The following RIMS1 variants were observed in gnomAD, a reference collection of about 807,000 sequenced individuals.
The protein encoded by RIMS1 is regulating synaptic membrane exocytosis 1.
A neutral mutation model predicts 214.1 loss-of-function variants in RIMS1; 83 were observed. That is an observed-to-expected ratio of 0.39 (90% CI 0.32 to 0.47). The LOEUF (loss-of-function observed/expected upper bound fraction) is 0.47. Ranked by LOEUF, RIMS1 falls within the 20% of genes least tolerant of loss-of-function variation. RIMS1 has a pLI of 0.99. For synonymous variants in RIMS1, 793 were observed against 786.8 expected, an observed-to-expected ratio of 1.01 and a Z score of -0.13; for missense variants, 2,050 against 2,161.8, an observed-to-expected ratio of 0.95 and a Z score of 1.03.
chr6:72,197,111 C>A (rs575783542), intron 6 of RIMS1, among the ~76,000 whole-genome samples: 3 of 152,176 alleles, frequency 2.0e-5, no homozygotes, highest in Admixed American at 6.5e-5. Flanking sequence ...CACTGTGGAA[C>A]CCCCATCCAT....
intron 29 of RIMS1, among the ~76,000 whole-genome samples, chr6:72,339,828 T>G (rs1690189699): frequency 6.6e-6 from 1 of 151,706 alleles, no homozygotes; most frequent in Admixed American, 6.6e-5. Context: ...TCAAATGGTA[T>G]TTCTAGTTCT....
chr6:72,050,733 C>G (rs1442071220), intron 2 of RIMS1, among the ~76,000 whole-genome samples: 3 of 152,120 alleles, frequency 2.0e-5, no homozygotes, highest in Non-Finnish European at 2.9e-5. Context: ...CTGATGAGCC[C>G]TTTGTGGGGT....
chr6:71,919,214 T>A (rs1754235241), intron 1 of RIMS1, among the ~76,000 whole-genome samples: 1 of 152,002 alleles, frequency 6.6e-6, no homozygotes, highest in Non-Finnish European at 1.5e-5. Flanking sequence ...GTGCTACTAG[T>A]GATAGTGTCA....
intron 4 of RIMS1, among the ~76,000 whole-genome samples, chr6:72,120,793 A>G (rs184020271): frequency 2.8e-4 from 42 of 152,006 alleles, no homozygotes; most frequent in African/African-American, 3.1e-4. Flanking sequence ...TAGGTCTAAC[A>G]TTTAAGTCTT....
intron 29 of RIMS1, among the ~76,000 whole-genome samples, chr6:72,334,862 A>G (rs888671270): frequency 2.8e-4 from 42 of 151,922 alleles, no homozygotes; most frequent in African/African-American, 1.0e-3. Flanking sequence ...ATGAACTTAG[A>G]ATAGCTAGCA....
At chr6:72,129,916 T>G (rs756170349) in intron 4 of RIMS1, among the ~76,000 whole-genome samples, 41 of 152,154 alleles carry the variant, frequency 2.7e-4, no homozygotes, top group Non-Finnish European at 5.4e-4. Flanking sequence ...ACTTATGATT[T>G]CTGTTCAATT....
intron 27 of RIMS1, among the ~76,000 whole-genome samples, chr6:72,308,756 T>C (rs1399778126): frequency 1.3e-5 from 2 of 152,102 alleles, no homozygotes; most frequent in African/African-American, 4.8e-5. Context: ...CTAAGAGTCT[T>C]ACCAAAAAAA....
intron 4 of RIMS1, among the ~76,000 whole-genome samples, chr6:72,159,582 G>T (rs1217817181): frequency 7.1e-6 from 1 of 140,630 alleles, no homozygotes; most frequent in African/African-American, 2.5e-5. Context: ...TGTAAGGAAA[G>T]GATCCAGTTT....
chr6:72,066,731 CT>C (rs1170184316), intron 2 of RIMS1, among the ~76,000 whole-genome samples: 1 of 152,176 alleles, frequency 6.6e-6, no homozygotes, highest in Non-Finnish European at 1.5e-5. Context: ...TAAATAACTG[CT>C]TATTCAACAT....
chr6:72,190,185 T>C (rs2049827961), intron 6 of RIMS1, among the ~76,000 whole-genome samples: 1 of 152,074 alleles, frequency 6.6e-6, no homozygotes, highest in African/African-American at 2.4e-5. Flanking sequence ...TGTAGTAGGC[T>C]GGGGAAGCTG....
chr6:72,030,519 T>C (rs1290748009), intron 2 of RIMS1, among the ~76,000 whole-genome samples: 1 of 152,174 alleles, frequency 6.6e-6, no homozygotes, highest in Non-Finnish European at 1.5e-5. Context: ...CTCCATAGTT[T>C]TTTGCATTAA....
chr6:72,093,453 GT>G (rs943936707), intron 2 of RIMS1, among the ~76,000 whole-genome samples: 1 of 151,430 alleles, frequency 6.6e-6, no homozygotes, highest in East Asian at 1.9e-4. Context: ...ACCAGTTTTT[GT>G]TTTTTTGCTT....
At chr6:72,250,201 G>A in intron 12 of RIMS1, 129 bp from the exon 13 acceptor site, 4 of 842,836 alleles carry the variant, frequency 4.7e-6, no homozygotes, top group Middle Eastern at 2.3e-4. Flanking sequence ...TGTGTTTTTA[G>A]AAATATCTGT....
chr6:72,121,448 CTGTT>C (rs1194663962), intron 4 of RIMS1, among the ~76,000 whole-genome samples: 5 of 151,836 alleles, frequency 3.3e-5, no homozygotes, highest in Non-Finnish European at 2.9e-5. Flanking sequence ...ATTTGGCTCT[CTGTT>C]TGTCTGTTGT....
intron 12 of RIMS1, among the ~76,000 whole-genome samples, chr6:72,249,550 T>C (rs1057364083): frequency 1.3e-5 from 2 of 152,082 alleles, no homozygotes; most frequent in African/African-American, 4.8e-5. Context: ...TCCCAGCACT[T>C]TGAGAGACTG....
chr6:72,320,508 A>G (rs899832435), intron 28 of RIMS1, among the ~76,000 whole-genome samples: 1 of 152,096 alleles, frequency 6.6e-6, no homozygotes, highest in Non-Finnish European at 1.5e-5. Context: ...ATGTGGTTCT[A>G]CTTCTCTAGT....
intron 1 of RIMS1, among the ~76,000 whole-genome samples, chr6:71,887,546 G>T (rs1011121727): frequency 6.6e-6 from 1 of 152,166 alleles, no homozygotes; most frequent in Non-Finnish European, 1.5e-5. Flanking sequence ...AGCAGGTTAG[G>T]GGGCAGGGGA....
chr6:71,938,457 G>C (rs79543766), intron 1 of RIMS1, among the ~76,000 whole-genome samples: 2,906 of 152,278 alleles, frequency 0.019, 87 homozygotes, highest in African/African-American at 0.065. Context: ...CGTCTATGTA[G>C]ACAACACTAT....
intron 6 of RIMS1, among the ~76,000 whole-genome samples, chr6:72,225,404 G>T (rs2154061313): frequency 6.6e-6 from 1 of 152,156 alleles, no homozygotes; most frequent in Middle Eastern, 3.4e-3. Context: ...TTGTCTTTGG[G>T]ATATAGAGGC....
Sources: allele counts gnomAD v4.1 joint callset (sites outside exome capture counted in the v4.1 genomes callset), GRCh38; gene constraint gnomAD v4.1.1; transcripts MANE v1.5; gene names NCBI Gene and HGNC (gene_info 2026-07-23, HGNC 2026-07-21).